LGSN: variants seen among roughly 807,000 people sequenced by gnomAD.
LGSN encodes the protein lengsin, lens protein with glutamine synthetase domain, also known as lengsin.
In LGSN, 21 loss-of-function variants were observed where a neutral mutation model predicts 19.5. The observed-to-expected ratio is 1.07, with a 90% confidence interval of 0.76 to 1.55. LGSN has a LOEUF of 1.55. Ranked by LOEUF, LGSN falls within the 40% of genes most tolerant of loss-of-function variation. LGSN has a pLI of 0.00. For missense variants in LGSN, 673 were observed against 608.5 expected (o/e 1.11, Z -1.12); for synonymous variants, 257 against 215.6 (o/e 1.19, Z -1.68).
the LGSN span, among the ~76,000 whole-genome samples, chr6:63,414,712 C>G: frequency 6.6e-6 from 1 of 152,190 alleles, no homozygotes. Flanking sequence ...CTCAGGAATT[C>G]AAGACCAGCC....
chr6:63,510,187 T>A, the LGSN span, among the ~76,000 whole-genome samples: 1 of 152,342 alleles, frequency 6.6e-6, no homozygotes, highest in Admixed American at 6.5e-5. Flanking sequence ...CCATAAAGTA[T>A]GTCATTGCCG....
the LGSN span, among the ~76,000 whole-genome samples, chr6:63,368,807 C>T: frequency 6.6e-6 from 1 of 152,152 alleles, no homozygotes; most frequent in Non-Finnish European, 1.5e-5. Context: ...AAGCCTGGCA[C>T]AGAGTTACTG....
the LGSN span, among the ~76,000 whole-genome samples, chr6:63,338,063 T>G: frequency 6.6e-6 from 1 of 152,040 alleles, no homozygotes; most frequent in African/African-American, 2.4e-5. Flanking sequence ...TTTTTGTATT[T>G]TTAGTAGAGA....
chr6:63,465,656 G>A, the LGSN span, among the ~76,000 whole-genome samples: 1 of 152,114 alleles, frequency 6.6e-6, no homozygotes, highest in African/African-American at 2.4e-5. Flanking sequence ...TGCCAACAAT[G>A]GAGATTAAAT....
the LGSN span, among the ~76,000 whole-genome samples, chr6:63,408,731 G>A: frequency 6.6e-6 from 1 of 151,320 alleles, no homozygotes; most frequent in East Asian, 1.9e-4. Context: ...ACTACCATCA[G>A]AGTGAACAGG....
intron 1 of LGSN, among the ~76,000 whole-genome samples, chr6:63,318,877 A>C (rs1261677511): frequency 6.6e-6 from 1 of 152,192 alleles, no homozygotes; most frequent in Non-Finnish European, 1.5e-5. Context: ...GTATATGCTA[A>C]TTACCTTTAC....
At chr6:63,514,975 A>G in the LGSN span, among the ~76,000 whole-genome samples, 1 of 152,020 alleles carries the variant, frequency 6.6e-6, no homozygotes, top group African/African-American at 2.4e-5. Flanking sequence ...AAGTGCTAGA[A>G]TTACAGGCAT....
the LGSN span, among the ~76,000 whole-genome samples, chr6:63,357,530 A>G: frequency 3.9e-5 from 6 of 152,210 alleles, no homozygotes; most frequent in East Asian, 9.7e-4. Context: ...CATTCTAACT[A>G]GTGTGAGATG....
the LGSN span, among the ~76,000 whole-genome samples, chr6:63,442,333 G>T: frequency 6.6e-6 from 1 of 152,148 alleles, no homozygotes; most frequent in Non-Finnish European, 1.5e-5. Flanking sequence ...CACAAAAGGG[G>T]ACCTGACCGG....
At chr6:63,403,101 C>G in the LGSN span, among the ~76,000 whole-genome samples, 1 of 148,752 alleles carries the variant, frequency 6.7e-6, no homozygotes, top group African/African-American at 2.5e-5. Flanking sequence ...GAGAGAGAGA[C>G]AGAGAGAGAG....
At chr6:63,516,745 C>T in the LGSN span, among the ~76,000 whole-genome samples, 82 of 152,298 alleles carry the variant, frequency 5.4e-4, 1 homozygote, top group Admixed American at 2.6e-4. Flanking sequence ...GTGGCAATGG[C>T]ATGTGCTACT....
chr6:63,304,884 T>G (rs1035537217), intron 1 of LGSN, among the ~76,000 whole-genome samples: 1 of 152,152 alleles, frequency 6.6e-6, no homozygotes, highest in African/African-American at 2.4e-5. Flanking sequence ...CTATCAATAA[T>G]GTGCTAAGAC....
chr6:63,506,129 T>C, the LGSN span, among the ~76,000 whole-genome samples: 1 of 152,204 alleles, frequency 6.6e-6, no homozygotes, highest in Non-Finnish European at 1.5e-5. Context: ...ACATAGTGAA[T>C]GGTATCTAGA....
the LGSN span, chr6:63,481,812 G>A: frequency 6.4e-6 from 2 of 312,916 alleles, no homozygotes; most frequent in Non-Finnish European, 1.3e-5. Context: ...ACAGATATGC[G>A]GGAGGAGCAG....
At chr6:63,519,280 C>T in the LGSN span, among the ~76,000 whole-genome samples, 1 of 151,942 alleles carries the variant, frequency 6.6e-6, no homozygotes, top group Non-Finnish European at 1.5e-5. Context: ...GCACTCCAGC[C>T]TGGGTGACAA....
chr6:63,522,221 A>T, the LGSN span, among the ~76,000 whole-genome samples: 1 of 152,208 alleles, frequency 6.6e-6, no homozygotes. Flanking sequence ...AAGTATTTTA[A>T]GGGCTACAAT....
chr6:63,350,036 T>G, the LGSN span, among the ~76,000 whole-genome samples: 1 of 152,240 alleles, frequency 6.6e-6, no homozygotes, highest in East Asian at 1.9e-4. Flanking sequence ...ATTTTAAAAC[T>G]ATTCATTCAA....
the LGSN span, among the ~76,000 whole-genome samples, chr6:63,531,444 T>C: frequency 6.6e-6 from 1 of 151,020 alleles, no homozygotes; most frequent in Non-Finnish European, 1.5e-5. Context: ...AATGCCTACA[T>C]AGACATCACA....
chr6:63,364,239 C>T, the LGSN span, among the ~76,000 whole-genome samples: 1 of 150,630 alleles, frequency 6.6e-6, no homozygotes, highest in African/African-American at 2.5e-5. Flanking sequence ...GGAAGATCTA[C>T]CAAGCAAACG....
Sources: gnomAD v4.1 joint callset for allele counts (sites outside exome capture counted in the v4.1 genomes callset) on GRCh38, gnomAD v4.1.1 for gene constraint, MANE v1.5 for transcripts, NCBI Gene and HGNC (gene_info 2026-07-23, HGNC 2026-07-21) for gene names.